Variants in CNTN1 observed in about 807,000 individuals in gnomAD.
CNTN1 encodes the protein contactin 1, also known as contactin-1.
Under a neutral mutation model 126.4 loss-of-function variants are expected in CNTN1, and 38 were observed. That is an observed-to-expected ratio of 0.30 (90% CI 0.23 to 0.39). CNTN1 has a LOEUF of 0.39. Ranked by LOEUF, CNTN1 falls within the 10% of genes least tolerant of loss-of-function variation. The pLI, the probability that CNTN1 is intolerant of heterozygous loss-of-function variation, is 1.00. For missense variants in CNTN1, 1,009 were observed against 1,248.4 expected (o/e 0.81, Z 2.89); for synonymous variants, 413 against 422.6 (o/e 0.98, Z 0.28).
chr12:41,029,869 T>G (rs978494024), intron 23 of CNTN1, among the ~76,000 whole-genome samples: 1 of 152,088 alleles, frequency 6.6e-6, no homozygotes. Context: ...ACACCTTTGT[T>G]TGATTTGGAA....
chr12:40,860,338 A>T (rs550005339), intron 1 of CNTN1, among the ~76,000 whole-genome samples: 3 of 152,242 alleles, frequency 2.0e-5, no homozygotes, highest in African/African-American at 7.2e-5. Flanking sequence ...TTCTTTAATA[A>T]CACTTATCCA....
rs35620860 is a variant in CNTN1 at position 41,064,173 on chromosome 12, CAAA to C, written c.2981-5771_2981-5769del. On this transcript the variant is annotated intron_variant, in intron 23 of 23. Coordinates refer to ENST00000551295, the MANE Select transcript of CNTN1 (RefSeq NM_001843.4). The stretch of plus-strand genomic sequence containing the variant: ...TGGGCGACTGAGTGAGACTCCATCT[CAAA>C]AAAAAAAAAAAAAACAATGTGAGGC... Among the ~76,000 whole-genome samples, 556 of 111,740 alleles carry C rather than the reference CAAA, an allele frequency of 5.0e-3. 5 individuals are homozygous for C. The highest frequency in any genetic ancestry group is 0.016 in the African/African-American group (521 of 32,980). The allele number at this position is 111,740 out of a possible 152,430, so 73.3% of individuals were successfully genotyped here.
intron 1 of CNTN1, among the ~76,000 whole-genome samples, chr12:40,792,289 C>G (rs1940247616): frequency 1.3e-5 from 2 of 152,000 alleles, no homozygotes; most frequent in African/African-American, 4.8e-5. Context: ...ACTCCTTGAA[C>G]CACACATGTT....
intron 1 of CNTN1, among the ~76,000 whole-genome samples, chr12:40,866,313 A>T (rs1943297321): frequency 6.6e-6 from 1 of 151,898 alleles, no homozygotes; most frequent in Non-Finnish European, 1.5e-5. Flanking sequence ...TCTATTTCTT[A>T]TCTATTTGCT....
At chr12:40,760,064 C>T (rs1207719233) in intron 1 of CNTN1, among the ~76,000 whole-genome samples, 1 of 152,090 alleles carries the variant, frequency 6.6e-6, no homozygotes, top group Non-Finnish European at 1.5e-5. Flanking sequence ...ATCAACCACT[C>T]CTCCAAGTTC....
intron 23 of CNTN1, among the ~76,000 whole-genome samples, chr12:41,042,726 A>G (rs530110589): frequency 6.6e-6 from 1 of 152,210 alleles, no homozygotes; most frequent in Non-Finnish European, 1.5e-5. Flanking sequence ...AGCTGGAGGC[A>G]TCACACTACC....
chr12:40,804,642 T>A (rs986597747), intron 1 of CNTN1, among the ~76,000 whole-genome samples: 1 of 151,916 alleles, frequency 6.6e-6, no homozygotes, highest in South Asian at 2.1e-4. Flanking sequence ...AAGGCAAATT[T>A]TAATGGATTC....
intron 7 of CNTN1, 31 bp downstream of exon 7, chr12:40,930,033 C>A (rs371168812): frequency 1.3e-6 from 2 of 1,496,882 alleles, no homozygotes; most frequent in South Asian, 2.3e-5. Context: ...ACTCTGTTTT[C>A]GCAAGGTTAT....
intron 15 of CNTN1, among the ~76,000 whole-genome samples, chr12:40,966,000 A>G (rs1274462777): frequency 3.1e-3 from 246 of 79,596 alleles, no homozygotes; most frequent in African/African-American, 0.015. Context: ...TCATCACACC[A>G]CACACACACA....
intron 1 of CNTN1, among the ~76,000 whole-genome samples, chr12:40,873,636 T>C (rs1046375871): frequency 1.3e-5 from 2 of 152,184 alleles, no homozygotes; most frequent in Admixed American, 6.5e-5. Context: ...AACATATGTT[T>C]TTGCAGTCCA....
intron 1 of CNTN1, among the ~76,000 whole-genome samples, chr12:40,759,804 C>T (rs531339995): frequency 1.1e-3 from 162 of 143,924 alleles, no homozygotes; most frequent in African/African-American, 4.3e-3. Flanking sequence ...CAAAAAGCCA[C>T]TGTGGGACTG....
At chr12:40,947,013 A>G (rs1398572013) in intron 14 of CNTN1, among the ~76,000 whole-genome samples, 1 of 152,176 alleles carries the variant, frequency 6.6e-6, no homozygotes, top group East Asian at 1.9e-4. Flanking sequence ...GTACATTTTT[A>G]AAGATGTATA....
intron 1 of CNTN1, among the ~76,000 whole-genome samples, chr12:40,756,237 A>C (rs974701780): frequency 1.2e-4 from 19 of 152,132 alleles, no homozygotes; most frequent in African/African-American, 3.9e-4. Context: ...GGATCTATGG[A>C]TTTTAGGTCT....
intron 6 of CNTN1, among the ~76,000 whole-genome samples, chr12:40,926,589 G>A (rs1289097320): frequency 6.6e-6 from 1 of 152,094 alleles, no homozygotes; most frequent in Non-Finnish European, 1.5e-5. Flanking sequence ...TTAAGTTATA[G>A]AAAGGTGACT....
intron 3 of CNTN1, among the ~76,000 whole-genome samples, chr12:40,911,979 G>A (rs1044038442): frequency 2.7e-5 from 4 of 150,546 alleles, no homozygotes; most frequent in African/African-American, 9.7e-5. Flanking sequence ...AACAATGTCT[G>A]CGAATTACTC....
chr12:41,058,530 G>GT (rs367807737), intron 23 of CNTN1, among the ~76,000 whole-genome samples: 50 of 152,200 alleles, frequency 3.3e-4, no homozygotes, highest in African/African-American at 1.2e-3. Context: ...TTAGAAAGAA[G>GT]TAACTACTCT....
intron 1 of CNTN1, among the ~76,000 whole-genome samples, chr12:40,696,438 G>A (rs897824381): frequency 6.6e-6 from 1 of 152,172 alleles, no homozygotes; most frequent in Non-Finnish European, 1.5e-5. Context: ...GATGAGTCCA[G>A]TAGGCAAGTT....
chr12:40,936,584 T>G lies in CNTN1; in HGVS notation c.986-197T>G, dbSNP rs924006322. On this transcript the variant is annotated intron_variant, in intron 9 of 23. Coordinates refer to ENST00000551295, the MANE Select transcript of CNTN1 (RefSeq NM_001843.4). ...GGAAAAATAATGGCTGAGTTATAGT[T>G]ACCTCCTGCTGTAATAATACAGGAT... Among the ~76,000 whole-genome samples the G allele has an allele frequency of 2.6e-5, 4 of 152,170 alleles. No individual in the cohort carries two copies. The East Asian group carries it at 7.7e-4, about 29-fold the overall frequency.
intron 1 of CNTN1, among the ~76,000 whole-genome samples, chr12:40,881,251 G>A (rs1429082759): frequency 6.6e-6 from 1 of 151,880 alleles, no homozygotes; most frequent in Non-Finnish European, 1.5e-5. Context: ...GAAAGGGTTG[G>A]ATGAAAGAAC....
Sources: gnomAD v4.1 joint callset for allele counts (sites outside exome capture counted in the v4.1 genomes callset) on GRCh38, gnomAD v4.1.1 for gene constraint, MANE v1.5 for transcripts, NCBI Gene and HGNC (gene_info 2026-07-23, HGNC 2026-07-21) for gene names.